FOXP2: variants seen among roughly 807,000 people sequenced by gnomAD.
The protein encoded by FOXP2 is forkhead box P2.
FOXP2 carries 12 observed loss-of-function variants against 115.8 expected under a neutral mutation model. The ratio of observed to expected loss-of-function variants is 0.10; its 90% confidence interval spans 0.07 to 0.17. The LOEUF (loss-of-function observed/expected upper bound fraction) is 0.17, where lower values mean the gene tolerates loss of function less well. Among genes scored for constraint, FOXP2 ranks in the 10% least tolerant of loss-of-function variants. The pLI, the probability that FOXP2 is intolerant of heterozygous loss-of-function variation, is 1.00. For missense variants in FOXP2, 629 were observed against 843.5 expected (o/e 0.75, Z 3.15); for synonymous variants, 328 against 297.7 (o/e 1.10, Z -1.05).
intron 16 of FOXP2, among the ~76,000 whole-genome samples, chr7:114,672,934 G>A (rs184113779): frequency 6.7e-4 from 102 of 152,256 alleles, no homozygotes; most frequent in Non-Finnish European, 1.2e-3. Context: ...CCAAAAGAGC[G>A]GCCACAGCAG....
intron 2 of FOXP2, among the ~76,000 whole-genome samples, chr7:114,325,003 G>A (rs1797522796): frequency 6.6e-6 from 1 of 151,912 alleles, no homozygotes; most frequent in Middle Eastern, 3.4e-3. Context: ...ATCATATCAT[G>A]GAGAATGAGA....
chr7:114,284,242 G>A (rs1796409488), intron 1 of FOXP2, among the ~76,000 whole-genome samples: 2 of 151,578 alleles, frequency 1.3e-5, no homozygotes, highest in Non-Finnish European at 2.9e-5. Context: ...ACTGGGTGCT[G>A]CTCCTGTATA....
At chr7:114,631,419 A>T (rs1804914290) in intron 5 of FOXP2, 109 bp from the exon 6 acceptor site, 4 of 1,532,068 alleles carry the variant, frequency 2.6e-6, no homozygotes, top group Non-Finnish European at 3.5e-6. Context: ...CTATGGGATG[A>T]CCAAAAAACC....
chr7:114,439,138 T>A (rs946998281), intron 2 of FOXP2, among the ~76,000 whole-genome samples: 3 of 152,162 alleles, frequency 2.0e-5, no homozygotes, highest in Non-Finnish European at 4.4e-5. Context: ...ATATATTAAA[T>A]TTTTCTCATT....
In FOXP2 at chr7:114,346,709, AGT is replaced by A; in HGVS notation, c.-11+58602_-11+58603del. Among the ~76,000 whole-genome samples the A allele has an allele frequency of 1.3e-5, 2 of 151,980 alleles. 1 individual carries two copies. Among genetic ancestry groups the A allele is most frequent in the Admixed American group, 1.3e-4 (2 of 15,202 alleles). On this transcript the variant is annotated intron_variant, in intron 2 of 17. Coordinates refer to the FOXP2 transcript ENST00000634411. ...CAAATACCACATGACCTCATTCATA[AGT>A]GGAATCTAAAAAGAGAAAAAAAACC...
chr7:114,169,466 A>G (rs1793078243), intron 1 of FOXP2, among the ~76,000 whole-genome samples: 1 of 152,058 alleles, frequency 6.6e-6, no homozygotes, highest in South Asian at 2.1e-4. Flanking sequence ...GTTTTGGTCA[A>G]TTTCTTCCAT....
chr7:114,394,147 C>T (rs1369822572), intron 2 of FOXP2, among the ~76,000 whole-genome samples: 1 of 151,940 alleles, frequency 6.6e-6, no homozygotes, highest in Non-Finnish European at 1.5e-5. Context: ...GGAAACTGGG[C>T]TTGATTGCAT....
At chr7:114,505,707 G>A (rs1797780644) in intron 2 of FOXP2, among the ~76,000 whole-genome samples, 1 of 151,458 alleles carries the variant, frequency 6.6e-6, no homozygotes, top group Non-Finnish European at 1.5e-5. Flanking sequence ...GTCATAGATG[G>A]CAGGTAGATA....
intron 2 of FOXP2, among the ~76,000 whole-genome samples, chr7:114,346,458 T>C (rs1791350181): frequency 6.6e-6 from 1 of 151,874 alleles, no homozygotes; most frequent in East Asian, 1.9e-4. Context: ...AGAATCATTA[T>C]GTCAAAGATA....
chr7:114,105,907 T>C (rs535362035), intron 1 of FOXP2, among the ~76,000 whole-genome samples: 2 of 152,218 alleles, frequency 1.3e-5, no homozygotes, highest in East Asian at 3.9e-4. Flanking sequence ...TTCCTCTGTA[T>C]ATTTCACACT....
chr7:114,524,718 T>A (rs1285924708), intron 2 of FOXP2, among the ~76,000 whole-genome samples: 2 of 152,216 alleles, frequency 1.3e-5, no homozygotes, highest in Non-Finnish European at 2.9e-5. Flanking sequence ...TTGTTTTTAC[T>A]GAACCCTTAT....
chr7:114,617,973 C>A (rs1424204590), intron 3 of FOXP2, among the ~76,000 whole-genome samples: 1 of 152,162 alleles, frequency 6.6e-6, no homozygotes, highest in African/African-American at 2.4e-5. Context: ...TAGAAAAGGC[C>A]TGCTTTTCAC....
At chr7:114,593,585 C>G (rs1802546284) in intron 3 of FOXP2, among the ~76,000 whole-genome samples, 1 of 151,970 alleles carries the variant, frequency 6.6e-6, no homozygotes, top group Admixed American at 6.6e-5. Flanking sequence ...TGTTTTTACA[C>G]TATTTGTATG....
At chr7:114,434,366 T>G (rs1794244657) in intron 2 of FOXP2, among the ~76,000 whole-genome samples, 1 of 150,406 alleles carries the variant, frequency 6.6e-6, no homozygotes, top group Non-Finnish European at 1.5e-5. Flanking sequence ...ATTTAGATTG[T>G]TTTTTGGGCT....
In FOXP2 at chr7:114,534,619, T is replaced by C. The variant is rs1304678917; in HGVS notation, c.171T>C (p.Ala57=). ...TAAGGTTTCATTTTTACTTCTAGGCTCTCCAGGCAGCAAGACAACTTCTTT... is the reference window on the plus strand; with the variant it reads ...TAAGGTTTCATTTTTACTTCTAGGCCCTCCAGGCAGCAAGACAACTTCTTT... ...VELLHLQQQQ[A]LQAARQLLLQ... Residue 57 remains alanine, a splice_region_variant and synonymous_variant, in exon 3 of 17, where the codon GCT becomes GCC. Transcript: ENST00000350908. 1 of 1,611,610 alleles carries C rather than the reference T, an allele frequency of 6.2e-7. No individual in the cohort carries two copies. The highest frequency in any genetic ancestry group is 8.5e-7 in the Non-Finnish European group (1 of 1,178,182).
chr7:114,227,773 G>A (rs1794777254), intron 1 of FOXP2, among the ~76,000 whole-genome samples: 1 of 151,992 alleles, frequency 6.6e-6, no homozygotes, highest in South Asian at 2.1e-4. Context: ...GCAAATACCA[G>A]TGGAAAATTT....
intron 3 of FOXP2, among the ~76,000 whole-genome samples, chr7:114,558,009 A>G (rs1421300460): frequency 6.6e-6 from 1 of 151,952 alleles, no homozygotes; most frequent in Non-Finnish European, 1.5e-5. Flanking sequence ...GGGTTTCACC[A>G]TCTTGGCCAG....
intron 1 of FOXP2, among the ~76,000 whole-genome samples, chr7:114,258,453 G>A (rs902516862): frequency 6.6e-6 from 1 of 152,168 alleles, no homozygotes; most frequent in Non-Finnish European, 1.5e-5. Flanking sequence ...TAGGATTAGA[G>A]CTGTGGTCTA....
rs1554417505 is a variant in FOXP2 at position 114,120,716 on chromosome 7, G to GTGTGTA, written c.-247+32879_-247+32880insGTGTAT. 2.5e-3 allele frequency among the ~76,000 whole-genome samples: 375 copies of GTGTGTA among 151,618 alleles called. 2 individuals carry two copies. Among genetic ancestry groups the GTGTGTA allele is most frequent in the African/African-American group, 8.6e-3 (356 of 41,330 alleles). ...TATATGTATGTGTGTGTGTGTGTGTGTATATATATGTACACATGAACCAAT... is the reference window on the plus strand; with the variant it reads ...TATATGTATGTGTGTGTGTGTGTGTGTGTGTATATATATATGTACACATGAACCAAT... On this transcript the variant is annotated intron_variant, in intron 1 of 19. Coordinates refer to the FOXP2 transcript ENST00000635638.
Sources: gnomAD v4.1 joint callset for allele counts (sites outside exome capture counted in the v4.1 genomes callset) on GRCh38, gnomAD v4.1.1 for gene constraint, MANE v1.5 for transcripts, NCBI Gene and HGNC (gene_info 2026-07-23, HGNC 2026-07-21) for gene names.